Variants in ITPR2 observed in about 807,000 individuals in gnomAD.
ITPR2 encodes the protein inositol 1,4,5-trisphosphate-gated calcium channel ITPR2.
In ITPR2, 207 loss-of-function variants were observed where a neutral mutation model predicts 317.1. That is an observed-to-expected ratio of 0.65 (90% CI 0.58 to 0.73). ITPR2 has a LOEUF of 0.73. ITPR2 is among the 30% of genes least tolerant of loss of function. The probability of loss-of-function intolerance (pLI) is 0.00; values close to 1 mark genes in which losing one functional copy is unlikely to be tolerated. For synonymous variants in ITPR2, 1,156 were observed against 1,149.1 expected, an observed-to-expected ratio of 1.01 and a Z score of -0.12; for missense variants, 2,613 against 3,284.0, an observed-to-expected ratio of 0.80 and a Z score of 4.99.
At chr12:26,795,790 C>T (rs1481209819) in intron 1 of ITPR2, among the ~76,000 whole-genome samples, 1 of 152,108 alleles carries the variant, frequency 6.6e-6, no homozygotes. Flanking sequence ...TCAAGACCAG[C>T]ATGGTCAATA....
intron 2 of ITPR2, among the ~76,000 whole-genome samples, chr12:26,735,865 T>G (rs899390194): frequency 2.5e-4 from 38 of 152,368 alleles, no homozygotes; most frequent in African/African-American, 9.1e-4. Context: ...AATTTGTATA[T>G]AGACCATTAC....
intron 12 of ITPR2, 127 bp from the exon 13 acceptor site, chr12:26,682,161 C>G (rs16931152): frequency 0.018 from 12,752 of 706,898 alleles, 535 homozygotes; most frequent in East Asian, 0.15. Flanking sequence ...GTAACTCCCA[C>G]ATGCATCATC....
intron 9 of ITPR2, among the ~76,000 whole-genome samples, chr12:26,710,841 T>C (rs967455430): frequency 1.3e-5 from 2 of 152,200 alleles, no homozygotes; most frequent in Non-Finnish European, 2.9e-5. Context: ...TGATCATATC[T>C]ATGATGCGGA....
intron 37 of ITPR2, among the ~76,000 whole-genome samples, chr12:26,509,264 A>G (rs997654722): frequency 3.9e-5 from 6 of 152,220 alleles, no homozygotes; most frequent in Non-Finnish European, 8.8e-5. Flanking sequence ...GTGACTGCTA[A>G]GAGGCATGGG....
intron 1 of ITPR2, among the ~76,000 whole-genome samples, chr12:26,810,476 G>C (rs974587220): frequency 2.6e-5 from 4 of 152,140 alleles, no homozygotes; most frequent in African/African-American, 9.7e-5. Context: ...CAGACATTCA[G>C]CCTCCCTTCC....
chr12:26,418,854 C>A (rs1174976177), intron 50 of ITPR2, among the ~76,000 whole-genome samples, 195 bp downstream of exon 50: 2 of 151,980 alleles, frequency 1.3e-5, no homozygotes, highest in African/African-American at 4.8e-5. Context: ...AGAACTCCAC[C>A]ACCTGTGTGG....
intron 37 of ITPR2, among the ~76,000 whole-genome samples, chr12:26,501,906 C>T (rs17474030): frequency 0.03 from 4,587 of 152,222 alleles, 97 homozygotes; most frequent in Middle Eastern, 0.058. Flanking sequence ...CTCACCAGAC[C>T]ATTTGATTCC....
At chr12:26,490,177 G>A (rs1172238016) in intron 39 of ITPR2, among the ~76,000 whole-genome samples, 1 of 152,178 alleles carries the variant, frequency 6.6e-6, no homozygotes, top group South Asian at 2.1e-4. Context: ...CCCCTATACT[G>A]AAGAAGTTGA....
chr12:26,707,391 A>G (rs1393267586), intron 9 of ITPR2, among the ~76,000 whole-genome samples: 1 of 152,202 alleles, frequency 6.6e-6, no homozygotes, highest in South Asian at 2.1e-4. Flanking sequence ...AATCTGTGCC[A>G]TGGAGCCTCT....
intron 2 of ITPR2, among the ~76,000 whole-genome samples, chr12:26,789,857 T>C (rs1950314052): frequency 6.6e-6 from 1 of 152,208 alleles, no homozygotes; most frequent in Admixed American, 6.5e-5. Flanking sequence ...AGTATATAAA[T>C]AAATACTGTT....
chr12:26,590,835 T>C (rs1945681087), intron 32 of ITPR2, among the ~76,000 whole-genome samples: 1 of 152,118 alleles, frequency 6.6e-6, no homozygotes, highest in South Asian at 2.1e-4. Context: ...ATCTTAGCAC[T>C]TTGTGAGGCT....
intron 2 of ITPR2, among the ~76,000 whole-genome samples, chr12:26,731,098 C>G (rs1565723933): frequency 6.7e-6 from 1 of 149,078 alleles, no homozygotes. Flanking sequence ...ATGTCTTGGC[C>G]AGCAGTATCC....
intron 48 of ITPR2, among the ~76,000 whole-genome samples, chr12:26,428,631 T>C (rs910323631): frequency 1.3e-5 from 2 of 152,154 alleles, no homozygotes; most frequent in African/African-American, 4.8e-5. Context: ...AGTGTGTGTA[T>C]TTGAAGGCCA....
At position 26,631,916 on chromosome 12, in the gene ITPR2, C is replaced by T. The variant is rs758612266; in HGVS notation, c.2884G>A (p.Glu962Lys). ...TTGGTGTCCATCACAGTCACATCCT[C>T]GTGCTCGGTGGGGCTCCCTTGCTTG... Reference protein sequence around the residue: ...PSKQGSPTEHEDVTVMDTKLK... With the variant: ...PSKQGSPTEHKDVTVMDTKLK... Residue 962 changes from glutamate to lysine, a missense_variant, in exon 22 of 57, where the codon GAG (glutamate) becomes AAG (lysine). Around this residue, in one of 9 missense-constraint regions of ITPR2, gnomAD observed 817 missense variants for 897.6 expected, o/e 0.91. Transcript: ENST00000381340. 1 of 1,614,088 alleles carries T rather than the reference C, an allele frequency of 6.2e-7. No homozygotes were observed. Among genetic ancestry groups the T allele is most frequent in the Non-Finnish European group, 8.5e-7 (1 of 1,180,000 alleles).
chr12:26,529,011 A>G (rs1368072802), intron 37 of ITPR2, among the ~76,000 whole-genome samples: 1 of 152,148 alleles, frequency 6.6e-6, no homozygotes, highest in Non-Finnish European at 1.5e-5. Context: ...CACATCCAGA[A>G]TCCTACAACT....
At chr12:26,471,920 C>T (rs1223206231) in intron 45 of ITPR2, among the ~76,000 whole-genome samples, 2 of 152,212 alleles carry the variant, frequency 1.3e-5, no homozygotes, top group African/African-American at 2.4e-5. Context: ...CAAGCAACCA[C>T]TCCTTGTGAG....
At chr12:26,598,999 C>A (rs750585408) in intron 30 of ITPR2, 146 bp downstream of exon 30, 133 of 669,410 alleles carry the variant, frequency 2.0e-4, no homozygotes, top group Non-Finnish European at 2.9e-4. Context: ...TAAATTAAAG[C>A]AAAATATATT....
intron 45 of ITPR2, among the ~76,000 whole-genome samples, chr12:26,467,329 A>G (rs1191681884): frequency 6.6e-6 from 1 of 152,118 alleles, no homozygotes; most frequent in Non-Finnish European, 1.5e-5. Context: ...TTAAAATGCC[A>G]TGGCTGTTCC....
intron 21 of ITPR2, among the ~76,000 whole-genome samples, chr12:26,646,067 C>T (rs1274007180): frequency 7.4e-6 from 1 of 135,312 alleles, no homozygotes; most frequent in Admixed American, 8.6e-5. Flanking sequence ...TTACAAAGAA[C>T]AATCATAGCT....
Sources: gnomAD v4.1 joint callset for allele counts (sites outside exome capture counted in the v4.1 genomes callset) on GRCh38, gnomAD v4.1.1 for gene constraint, gnomAD v4.1.1 regional missense constraint, MANE v1.5 for transcripts, NCBI Gene and HGNC (gene_info 2026-07-23, HGNC 2026-07-21) for gene names.